SERP2: variants seen among roughly 807,000 people sequenced by gnomAD.
SERP2 encodes the protein stress associated endoplasmic reticulum protein family member 2, also known as stress-associated endoplasmic reticulum protein 2.
In SERP2, 6 loss-of-function variants were observed where a neutral mutation model predicts 9.1. The ratio of observed to expected loss-of-function variants is 0.66; its 90% confidence interval spans 0.36 to 1.30. The LOEUF (loss-of-function observed/expected upper bound fraction) is 1.30. Among genes scored for constraint, SERP2 ranks in the 50% most tolerant of loss-of-function variants. The pLI is 0.03. For missense variants in SERP2, 58 were observed against 81.9 expected, an observed-to-expected ratio of 0.71 and a Z score of 1.13; for synonymous variants, 37 against 27.3, an observed-to-expected ratio of 1.35 and a Z score of -1.10.
At chr13:44,396,549 T>A (rs898745509) in intron 2 of SERP2, among the ~76,000 whole-genome samples, 1 of 151,954 alleles carries the variant, frequency 6.6e-6, no homozygotes, top group Non-Finnish European at 1.5e-5. Context: ...GAAGTTGGGA[T>A]CTTCCGCTCC....
chr13:44,374,018 C>T lies in SERP2; in HGVS notation c.-8C>T. On this transcript the variant is annotated 5_prime_UTR_variant, in exon 1 of 3. Transcript: ENST00000379179. ...TTGCAGGTGGGAGCATTTCAGAGCGCACAAGCCATGGTGGCCAAACAGCGG... is the reference window on the plus strand; with the variant it reads ...TTGCAGGTGGGAGCATTTCAGAGCGTACAAGCCATGGTGGCCAAACAGCGG... 3.1e-6 allele frequency: 5 copies of T among 1,594,346 alleles called. No individual in the cohort carries two copies. Among genetic ancestry groups the T allele is most frequent in the Non-Finnish European group, 4.3e-6 (5 of 1,170,616 alleles).
chr13:44,391,415 A>C (rs1414732575), intron 2 of SERP2, among the ~76,000 whole-genome samples: 2 of 152,220 alleles, frequency 1.3e-5, no homozygotes, highest in East Asian at 3.8e-4. Flanking sequence ...GTAATTCAAT[A>C]ATATTTACAG....
intron 2 of SERP2, among the ~76,000 whole-genome samples, chr13:44,386,034 T>C (rs1211351952): frequency 6.6e-6 from 1 of 152,204 alleles, no homozygotes; most frequent in Admixed American, 6.5e-5. Flanking sequence ...CCATGAGCCC[T>C]GCCTCTTCAC....
intron 2 of SERP2, chr13:44,390,309 G>A (rs763000311): frequency 1.8e-4 from 21 of 114,184 alleles, no homozygotes; most frequent in African/African-American, 1.4e-3. Context: ...CCACCCACCC[G>A]CCCTGGACAC....
intron 2 of SERP2, among the ~76,000 whole-genome samples, chr13:44,385,275 C>G (rs1380415604): frequency 6.6e-6 from 1 of 152,136 alleles, no homozygotes; most frequent in Admixed American, 6.6e-5. Flanking sequence ...CTAGTAAGAG[C>G]AAGATAATGA....
intron 1 of SERP2, among the ~76,000 whole-genome samples, chr13:44,377,816 C>G (rs1055421060): frequency 2.0e-5 from 3 of 152,194 alleles, no homozygotes; most frequent in Non-Finnish European, 4.4e-5. Flanking sequence ...TTTAATGAAA[C>G]TTGTATGTTT....
chr13:44,396,268 A>T (rs1447715251), intron 2 of SERP2, among the ~76,000 whole-genome samples: 1 of 152,140 alleles, frequency 6.6e-6, no homozygotes. Context: ...AGATGATGAA[A>T]CTTGAATGGC....
intron 2 of SERP2, chr13:44,390,602 C>T (rs1872657477): frequency 6.5e-6 from 2 of 308,828 alleles, no homozygotes; most frequent in African/African-American, 2.2e-5. Flanking sequence ...TCCTTTGTGC[C>T]CTGGGGGCAT....
At position 44,373,829 on chromosome 13, in the gene SERP2, C is replaced by T. The variant is rs1871449465; in HGVS notation, c.-197C>T. 3 of 528,450 alleles carry T rather than the reference C, an allele frequency of 5.7e-6. No homozygotes were observed. The allele number at this position is 528,450 out of a possible 1,614,324, so 32.7% of individuals were successfully genotyped here. A position where few individuals can be genotyped will look rare whatever the true frequency, so the allele number is the denominator to read the frequency against. Reference sequence around the variant, plus strand: ...GTTTCCTGAGATGAGAGATTACTTCCGTCCGGGCTGCGGCCTCTCTCTGGA... The same window carrying T: ...GTTTCCTGAGATGAGAGATTACTTCTGTCCGGGCTGCGGCCTCTCTCTGGA... On this transcript the variant is annotated 5_prime_UTR_variant, in exon 1 of 3. Coordinates refer to ENST00000379179, the MANE Select transcript of SERP2 (RefSeq NM_001010897.3). The surrounding 1 kb of genome is among the most constrained non-coding windows in gnomAD (Gnocchi z 4.8).
intron 2 of SERP2, among the ~76,000 whole-genome samples, chr13:44,394,432 T>C (rs2138800047): frequency 6.6e-6 from 1 of 152,318 alleles, no homozygotes; most frequent in Middle Eastern, 3.4e-3. Context: ...CTGTCTTAGA[T>C]TCTTTAAAGA....
At chr13:44,397,078 C>CCGACTGAG (rs1396344796) in intron 2 of SERP2, among the ~76,000 whole-genome samples, 194 bp from the exon 3 acceptor site, 1 of 152,238 alleles carries the variant, frequency 6.6e-6, no homozygotes, top group African/African-American at 2.4e-5. Flanking sequence ...CATCCATCAG[C>CCGACTGAG]CGACTGAGCG....
intron 1 of SERP2, among the ~76,000 whole-genome samples, chr13:44,377,754 AC>A (rs1274785425): frequency 9.8e-5 from 15 of 152,380 alleles, no homozygotes; most frequent in Admixed American, 2.0e-4. Context: ...TACTAAAAAG[AC>A]AATATCCTTC....
At chr13:44,382,436 CA>C (rs71202274) in intron 2 of SERP2, among the ~76,000 whole-genome samples, 511 of 45,658 alleles carry the variant, frequency 0.011, no homozygotes, top group African/African-American at 0.038. Context: ...GACTCCGTCT[CA>C]AAAAAAAAAA....
At chr13:44,374,162 GGC>G in intron 1 of SERP2, 53 bp downstream of exon 1, 2 of 520,332 alleles carry the variant, frequency 3.8e-6, no homozygotes, top group South Asian at 4.1e-5. Flanking sequence ...GGCGGGGTGG[GGC>G]GGAAGGTGGG....
chr13:44,384,149 C>G (rs1327339116), intron 2 of SERP2, among the ~76,000 whole-genome samples: 1 of 152,066 alleles, frequency 6.6e-6, no homozygotes, highest in African/African-American at 2.4e-5. Context: ...GTCCTTGGTA[C>G]TGTGCCCTTC....
At chr13:44,379,768 C>T (rs369317979) in intron 2 of SERP2, 55 bp downstream of exon 2, 1 of 1,211,114 alleles carries the variant, frequency 8.3e-7, no homozygotes, top group Non-Finnish European at 1.2e-6. Context: ...CTTTGAAAAA[C>T]ACACGTTTTC....
intron 2 of SERP2, among the ~76,000 whole-genome samples, chr13:44,395,132 C>CT (rs978286049): frequency 6.6e-6 from 1 of 152,116 alleles, no homozygotes; most frequent in African/African-American, 2.4e-5. Context: ...TAGAAGTAAT[C>CT]TTTTTTTTCC....
chr13:44,384,099 G>A (rs1872182791), intron 2 of SERP2, among the ~76,000 whole-genome samples: 1 of 151,276 alleles, frequency 6.6e-6, no homozygotes. Flanking sequence ...AGCTCAAGTC[G>A]GGCACTGTTC....
At chr13:44,374,177 CGGGG>C in intron 1 of SERP2, 68 bp downstream of exon 1, 5 of 151,750 alleles carry the variant, frequency 3.3e-5, no homozygotes, top group Middle Eastern at 2.2e-3. Flanking sequence ...AAGGTGGGGG[CGGGG>C]CCGGGCGGGT....
Sources: allele counts gnomAD v4.1 joint callset (sites outside exome capture counted in the v4.1 genomes callset), GRCh38; gene constraint gnomAD v4.1.1; non-coding constraint Gnocchi (gnomAD v3.1); transcripts MANE v1.5; gene names NCBI Gene and HGNC (gene_info 2026-07-23, HGNC 2026-07-21).